GCNA: variants seen among roughly 807,000 people sequenced by gnomAD.
The protein encoded by GCNA is germ cell nuclear acidic peptidase, also known as germ cell nuclear acidic protein.
Under a neutral mutation model 38.8 loss-of-function variants are expected in GCNA, and 3 were observed. The ratio of observed to expected loss-of-function variants is 0.08; its 90% CI spans 0.04 to 0.20. The LOEUF (loss-of-function observed/expected upper bound fraction) is 0.20. Ranked by LOEUF, GCNA falls within the 10% of genes least tolerant of loss-of-function variation. The pLI, the probability that GCNA is intolerant of heterozygous loss-of-function variation, is 1.00. For missense variants in GCNA, 446 were observed against 578.6 expected (o/e 0.77, Z 2.35); for synonymous variants, 195 against 240.2 (o/e 0.81, Z 1.74).
chrX:71,586,139 GT>G (rs369229738), intron 2 of GCNA, among the ~76,000 whole-genome samples: 2,446 of 89,605 alleles, frequency 0.027, 26 homozygotes, highest in African/African-American at 0.04. Flanking sequence ...TGAAATAAAT[GT>G]TTTTTTTTTT....
At chrX:71,595,287 G>A (rs1307120740) in intron 6 of GCNA, among the ~76,000 whole-genome samples, 1 of 111,050 alleles carries the variant, frequency 9.0e-6, no homozygotes, top group African/African-American at 3.3e-5. Context: ...GTAGAGATGG[G>A]GTTTCACCAT....
chrX:71,584,316 T>A (rs1193184897), intron 2 of GCNA, among the ~76,000 whole-genome samples: 3 of 111,420 alleles, frequency 2.7e-5, no homozygotes, highest in Non-Finnish European at 5.7e-5. Flanking sequence ...AGTGGCATGA[T>A]CATGACTCAC....
chrX:71,603,869 G>A lies in GCNA; in HGVS notation c.592G>A (p.Asp198Asn), dbSNP rs752166814. The A allele has an allele frequency of 1.8e-5, 22 of 1,208,843 alleles. No individual in the cohort carries two copies. Among genetic ancestry groups the A allele is most frequent in the Non-Finnish European group, 2.3e-5 (21 of 894,754 alleles). Residue 198 changes from aspartate (D) to asparagine (N), a missense_variant, in exon 8 of 13, where the codon GAC becomes AAC. Physicochemically the swap from Asp to Asn is conservative, Grantham distance 23. This residue lies in a region of GCNA where 118 missense variants were observed against 122.8 expected (regional missense o/e 0.96). Coordinates refer to ENST00000373696, the MANE Select transcript of GCNA (RefSeq NM_052957.5). ...CGACGACAACAGTGATGATTCATCC[G>A]ACGACAACAGTGATGATTCATCCGA... is the stretch of plus-strand genomic sequence containing the variant. ...VPDDNSDDSS[D>N]DNSDDSSDDN... is the part of the protein sequence containing the mutation.
chrX:71,594,082 T>C (rs1364558581), intron 4 of GCNA, among the ~76,000 whole-genome samples: 3 of 112,463 alleles, frequency 2.7e-5, no homozygotes, highest in Admixed American at 1.9e-4. Flanking sequence ...TGATAGCTAA[T>C]GATACTCAGC....
intron 1 of GCNA, 22 bp from the exon 2 acceptor site, chrX:71,580,798 G>GT (rs773227640): frequency 5.0e-6 from 6 of 1,188,758 alleles, no homozygotes; most frequent in Non-Finnish European, 6.8e-6. Flanking sequence ...TTAAGAAAGT[G>GT]TATCTTTGTC....
Position 71,612,352 on chromosome X carries a change from A to G in GCNA, c.1751-3A>G. On this transcript the variant is annotated splice_polypyrimidine_tract_variant and splice_region_variant and intron_variant, in intron 11 of 12. Transcript: ENST00000373696. ...TCACATTTCTTTTCATTCTTCTTTC[A>G]AGACCGAATCCGGGATACCTTGATC... 8.4e-7 allele frequency: 1 copy of G among 1,184,263 alleles called. No individual in the cohort carries two copies. The highest frequency in any genetic ancestry group is 1.1e-6 in the Non-Finnish European group (1 of 877,745).
intron 4 of GCNA, among the ~76,000 whole-genome samples, chrX:71,593,666 C>T (rs1015799445): frequency 2.0e-5 from 2 of 99,518 alleles, no homozygotes; most frequent in African/African-American, 7.4e-5. Context: ...CTGCATGAAA[C>T]GGAGTTCAGT....
At chrX:71,589,717 G>A (rs1001169665) in intron 2 of GCNA, among the ~76,000 whole-genome samples, 2 of 109,437 alleles carry the variant, frequency 1.8e-5, no homozygotes, top group South Asian at 3.9e-4. Context: ...CACCCACCTC[G>A]GCCTCCCAAA....
chrX:71,600,333 C>T (rs1475718284), intron 7 of GCNA, among the ~76,000 whole-genome samples: 1 of 110,783 alleles, frequency 9.0e-6, no homozygotes, highest in Non-Finnish European at 1.9e-5. Flanking sequence ...AAAAAAAAAA[C>T]TTCAGCTACC....
intron 11 of GCNA, among the ~76,000 whole-genome samples, chrX:71,611,820 G>A (rs12007984): frequency 1.7e-3 from 188 of 111,631 alleles, no homozygotes; most frequent in African/African-American, 5.4e-3. Flanking sequence ...CCTGCTCACC[G>A]AAGGCTCTTT....
intron 9 of GCNA, among the ~76,000 whole-genome samples, chrX:71,608,462 C>T (rs1157584031): frequency 1.8e-5 from 2 of 111,207 alleles, no homozygotes; most frequent in African/African-American, 6.5e-5. Flanking sequence ...TTAGTAGAGA[C>T]AGGGTTTCAC....
intron 7 of GCNA, among the ~76,000 whole-genome samples, chrX:71,599,022 GTT>G (rs1249801404): frequency 3.1e-5 from 3 of 97,137 alleles, no homozygotes; most frequent in Admixed American, 1.1e-4. Flanking sequence ...TTTTGTTGTT[GTT>G]TTTTTTTTTT....
At chrX:71,586,159 C>G (rs1486455489) in intron 2 of GCNA, among the ~76,000 whole-genome samples, 2 of 99,977 alleles carry the variant, frequency 2.0e-5, no homozygotes, top group Non-Finnish European at 4.0e-5. Flanking sequence ...TTTTTTTCAA[C>G]TGAGGCCCAA....
chrX:71,590,193 A>G (rs368577967), intron 2 of GCNA, among the ~76,000 whole-genome samples: 9 of 111,666 alleles, frequency 8.1e-5, no homozygotes, highest in East Asian at 2.8e-4. Context: ...TTGACCATGT[A>G]TTTCTTCCTT....
chrX:71,590,886 T>C (rs931680544), intron 2 of GCNA, among the ~76,000 whole-genome samples: 3 of 110,782 alleles, frequency 2.7e-5, no homozygotes, highest in Non-Finnish European at 3.8e-5. Context: ...TTTCACCATG[T>C]TGGTCAGGCT....
At chrX:71,610,273 A>G (rs1322555923) in intron 10 of GCNA, among the ~76,000 whole-genome samples, 1 of 111,636 alleles carries the variant, frequency 9.0e-6, no homozygotes, top group Non-Finnish European at 1.9e-5. Flanking sequence ...TTTCCTTTTT[A>G]TTAGAGGGTA....
chrX:71,584,681 A>G (rs1220683889), intron 2 of GCNA, among the ~76,000 whole-genome samples: 3 of 110,732 alleles, frequency 2.7e-5, no homozygotes, highest in Non-Finnish European at 5.7e-5. Context: ...TGGCTAACAC[A>G]GTGAAACTCC....
rs1332440153 is a variant in GCNA at position 71,594,761 on chromosome X, C to T, written c.203C>T (p.Ala68Val). 1 of 1,147,634 alleles carries T rather than the reference C, an allele frequency of 8.7e-7. No homozygotes were observed. The highest frequency in any genetic ancestry group is 1.2e-6 in the Non-Finnish European group (1 of 864,903). 94.6% of individuals were successfully genotyped at this position (1,147,634 alleles called of 1,213,427 possible). ...DTSGSSVARR[A>V]PKRQASSVVV... The stretch of plus-strand genomic sequence containing the variant: ...TCTGATTTAGCTGTGGCCAGAAGAG[C>T]TCCGAAGAGACAGGCGAGGTGAGTA... Residue 68 changes from alanine to valine, a missense_variant, in exon 6 of 13, where the codon GCT (alanine) becomes GTT (valine). By Grantham distance (64) the Ala-to-Val change is moderately conservative. Transcript: ENST00000373696.
intron 2 of GCNA, among the ~76,000 whole-genome samples, chrX:71,583,952 T>C (rs981446005): frequency 3.4e-4 from 36 of 104,508 alleles, no homozygotes; most frequent in African/African-American, 1.3e-3. Flanking sequence ...AAGTGATCCA[T>C]CCGCCTTGGC....
Sources: gnomAD v4.1 joint callset for allele counts (sites outside exome capture counted in the v4.1 genomes callset) on GRCh38, gnomAD v4.1.1 for gene constraint, gnomAD v4.1.1 regional missense constraint, MANE v1.5 for transcripts, NCBI Gene and HGNC (gene_info 2026-07-23, HGNC 2026-07-21) for gene names.